The following EPB42 variants were observed in gnomAD, a reference collection of about 807,000 sequenced individuals.
EPB42 encodes erythrocyte membrane protein band 4.2.
A neutral mutation model predicts 76.9 loss-of-function variants in EPB42; 49 were observed. That is an observed-to-expected ratio of 0.64 (90% CI 0.51 to 0.81). EPB42 has a LOEUF of 0.81. Ranked by LOEUF, EPB42 falls within the 30% of genes least tolerant of loss-of-function variation. The pLI, the probability that EPB42 is intolerant of heterozygous loss-of-function variation, is 0.00. For synonymous variants in EPB42, 310 were observed against 338.4 expected (o/e 0.92, Z 0.92); for missense variants, 731 against 867.6 (o/e 0.84, Z 1.98).
At chr15:43,214,385 C>T (rs924956079) in intron 3 of EPB42, among the ~76,000 whole-genome samples, 4 of 152,082 alleles carry the variant, frequency 2.6e-5, no homozygotes, top group African/African-American at 4.8e-5. Flanking sequence ...CCAGGGAAGC[C>T]GCTCATAGTC....
intron 7 of EPB42, 87 bp downstream of exon 7, chr15:43,208,550 T>C: frequency 6.3e-7 from 1 of 1,596,584 alleles, no homozygotes; most frequent in Non-Finnish European, 8.6e-7. Context: ...GCCAGGGCCA[T>C]GCAGGGGGTG....
intron 6 of EPB42, 78 bp from the exon 7 acceptor site, chr15:43,208,853 T>C (rs952360034): frequency 1.3e-6 from 2 of 1,514,556 alleles, no homozygotes; most frequent in Admixed American, 1.9e-5. Flanking sequence ...GGATTTTCAG[T>C]GTCTCCTCTG....
rs557539935 is a variant in EPB42, at chr15:43,204,367, A to G, written c.1619-1092T>C. ...TGCTGGGTTCCCTCCTCACCCTCTC[A>G]TCTACTCACTGACCTCTCCCCACTG... On this transcript the variant is annotated intron_variant, in intron 10 of 12. Transcript: ENST00000441366. 1.0e-3 allele frequency among the ~76,000 whole-genome samples: 156 copies of G among 151,614 alleles called. 1 individual carries two copies. Among genetic ancestry groups the G allele is most frequent in the African/African-American group, 3.5e-3 (144 of 41,276 alleles).
chr15:43,200,895 A>G (rs2042115129), intron 12 of EPB42, among the ~76,000 whole-genome samples: 2 of 151,846 alleles, frequency 1.3e-5, no homozygotes, highest in South Asian at 4.2e-4. Context: ...GCTCACTGCA[A>G]GCTCCGCCTC....
chr15:43,211,727 A>G (rs932787693), intron 3 of EPB42, among the ~76,000 whole-genome samples, 193 bp from the exon 4 acceptor site: 2 of 152,210 alleles, frequency 1.3e-5, no homozygotes, highest in African/African-American at 4.8e-5. Flanking sequence ...CCCTGGGTCA[A>G]TCAGGGTGTG....
chr15:43,211,553 G>C lies in EPB42; in HGVS notation c.431-19C>G, dbSNP rs1298150033. On this transcript the variant is annotated intron_variant, in intron 3 of 12. Transcript: ENST00000441366. ...GCATCCTCTGGTGAGAGGTGGGTAG[G>C]GATGAGGGCCTGTGGGGGTCCTAGG... 6.5e-7 allele frequency: 1 copy of C among 1,533,068 alleles called. No homozygotes were observed. Among genetic ancestry groups the C allele is most frequent in the South Asian group, 1.1e-5 (1 of 89,416 alleles). 95.0% of individuals were successfully genotyped at this position (1,533,068 alleles called of 1,614,324 possible). A position where few individuals can be genotyped will look rare whatever the true frequency, so the allele number is the denominator to read the frequency against.
In EPB42 at chr15:43,220,649, A is replaced by AC. The variant is rs3832982; in HGVS notation, c.10+166dup. ...ACCTCTACCAGCACCCACCTACCACACCCCCCCCCCACAGCCACCTCATTA... is the reference window on the plus strand; with the variant it reads ...ACCTCTACCAGCACCCACCTACCACACCCCCCCCCCCACAGCCACCTCATTA... On this transcript the variant is annotated intron_variant, in intron 1 of 12. Coordinates refer to ENST00000441366, the MANE Select transcript of EPB42 (RefSeq NM_001114134.2). 8,880 of 387,930 alleles carry AC rather than the reference A, an allele frequency of 0.023. 64 individuals carry two copies. Among genetic ancestry groups the AC allele is most frequent in the South Asian group, 0.033 (1,889 of 57,318 alleles). The allele number at this position is 387,930 out of a possible 1,614,324, so 24.0% of individuals were successfully genotyped here. A position where few individuals can be genotyped will look rare whatever the true frequency, so the allele number is the denominator to read the frequency against.
At position 43,215,312 on chromosome 15, in the gene EPB42, C is replaced by A. The variant is rs757126961; in HGVS notation, c.213G>T (p.Lys71Asn). 6.2e-7 allele frequency: 1 copy of A among 1,614,216 alleles called. No individual in the cohort carries two copies. The highest frequency in any genetic ancestry group is 1.1e-5 in the South Asian group (1 of 91,088). ...GGAATGTGGCTTGGGTCCTGTTGAT[C>A]TTGGAAGGCTGCTCTCCTGTAGTCA... is the stretch of plus-strand genomic sequence containing the variant. Reference protein sequence around the residue: ...LTAQTGEQPSKINRTQATFPI... With the variant: ...LTAQTGEQPSNINRTQATFPI... Residue 71 changes from lysine to asparagine, a missense_variant, in exon 3 of 13, where the codon AAG becomes AAT. Transcript: ENST00000441366.
At chr15:43,211,560 G>GACCCCCACA in intron 3 of EPB42, 26 bp from the exon 4 acceptor site, 1 of 1,465,664 alleles carries the variant, frequency 6.8e-7, no homozygotes, top group Non-Finnish European at 9.6e-7. Context: ...TAGGGATGAG[G>GACCCCCACA]GCCTGTGGGG....
At position 43,207,357 on chromosome 15, in the gene EPB42, G is replaced by T; in HGVS notation, c.1160C>A (p.Ala387Asp). The T allele has an allele frequency of 3.1e-6, 5 of 1,614,188 alleles. No individual in the cohort carries two copies. Among genetic ancestry groups the T allele is most frequent in the Non-Finnish European group, 4.2e-6 (5 of 1,180,010 alleles). ...GLTPAVSDLF[A>D]AINASCVVWK... Reference sequence around the variant, plus strand: ...GACCACACATGAGGCATTTATGGCAGCAAAAAGGTCTGACACTGCTGGGGT... The same window carrying T: ...GACCACACATGAGGCATTTATGGCATCAAAAAGGTCTGACACTGCTGGGGT... Residue 387 changes from alanine (A) to aspartate (D), a missense_variant, in exon 9 of 13, where the codon GCT becomes GAT. Coordinates refer to ENST00000441366, the MANE Select transcript of EPB42 (RefSeq NM_001114134.2).
At chr15:43,221,499 G>A (rs1410448250), upstream of EPB42, among the ~76,000 whole-genome samples, 2 of 152,172 alleles carry the variant, frequency 1.3e-5, no homozygotes, top group African/African-American at 4.8e-5. Context: ...TACCAGAGAA[G>A]GTTGGGAACT....
intron 10 of EPB42, among the ~76,000 whole-genome samples, chr15:43,204,646 A>G (rs1228817966): frequency 6.6e-6 from 1 of 152,114 alleles, no homozygotes; most frequent in African/African-American, 2.4e-5. Flanking sequence ...ACACACATAT[A>G]CACATTCACA....
At chr15:43,201,821 A>G (rs1180407123) in intron 12 of EPB42, 23 bp downstream of exon 12, 1 of 1,614,090 alleles carries the variant, frequency 6.2e-7, no homozygotes, top group Non-Finnish European at 8.5e-7. Flanking sequence ...TTTCAGGGGG[A>G]TGAGAAGCCT....
At chr15:43,208,206 C>T (rs544945457) in intron 8 of EPB42, 24 bp downstream of exon 8, 1 of 1,609,068 alleles carries the variant, frequency 6.2e-7, no homozygotes, top group African/African-American at 1.3e-5. Context: ...CCTGCGTGGT[C>T]CTGGACCCAC....
intron 1 of EPB42, among the ~76,000 whole-genome samples, chr15:43,219,721 A>G (rs1213713295): frequency 6.6e-6 from 1 of 152,166 alleles, no homozygotes; most frequent in Non-Finnish European, 1.5e-5. Flanking sequence ...GCCGAGGCGG[A>G]GGATCACGAG....
At chr15:43,224,362 G>T (rs2042489298), upstream of EPB42, among the ~76,000 whole-genome samples, 1 of 152,122 alleles carries the variant, frequency 6.6e-6, no homozygotes, top group South Asian at 2.1e-4. Context: ...ATGAATTTTT[G>T]GGGAGGACAC....
chr15:43,211,262 G>A (rs1233507166), intron 4 of EPB42, among the ~76,000 whole-genome samples, 154 bp downstream of exon 4: 1 of 152,122 alleles, frequency 6.6e-6, no homozygotes, highest in Admixed American at 6.5e-5. Context: ...TTCTGATATG[G>A]CCCAGAGGAA....
chr15:43,215,765 C>T (rs191825924), intron 2 of EPB42, among the ~76,000 whole-genome samples: 175 of 152,322 alleles, frequency 1.1e-3, no homozygotes, highest in Non-Finnish European at 2.1e-3. Context: ...GGCACGATCT[C>T]GGCTCATTGC....
chr15:43,209,159 T>C, intron 6 of EPB42, 115 bp downstream of exon 6: 1 of 1,201,398 alleles, frequency 8.3e-7, no homozygotes, highest in Non-Finnish European at 1.2e-6. Flanking sequence ...TGTGATGAGA[T>C]GGGGAAATGC....
Sources: allele counts gnomAD v4.1 joint callset (sites outside exome capture counted in the v4.1 genomes callset), GRCh38; gene constraint gnomAD v4.1.1; transcripts MANE v1.5; gene names NCBI Gene and HGNC (gene_info 2026-07-23, HGNC 2026-07-21).